EPHB4: variants seen among roughly 807,000 people sequenced by gnomAD.
EPHB4 encodes the protein EPH receptor B4, also known as ephrin type-B receptor 4.
Under a neutral mutation model 110.6 loss-of-function variants are expected in EPHB4, and 50 were observed. The observed-to-expected ratio is 0.45, with a 90% confidence interval of 0.36 to 0.57. The LOEUF (loss-of-function observed/expected upper bound fraction) is 0.57. EPHB4 is among the 20% of genes least tolerant of loss of function. EPHB4 has a pLI of 0.00. For missense variants in EPHB4, 1,128 were observed against 1,382.1 expected (o/e 0.82, Z 2.91); for synonymous variants, 592 against 578.4 (o/e 1.02, Z -0.34).
In EPHB4 at chr7:100,822,341, G is replaced by A. The variant is rs374800831; in HGVS notation, c.738C>T (p.Ala246=). 79 of 1,567,582 alleles carry A rather than the reference G, an allele frequency of 5.0e-5. No individual in the cohort carries two copies. Among genetic ancestry groups the A allele is most frequent in the South Asian group, 7.0e-5 (6 of 86,128 alleles). Reference sequence around the variant, plus strand: ...AGCTGCAGCCCGTGACCGGCTGTTCGGCCCACTGGCCATCCTCACGGCAGT... The same window carrying A: ...AGCTGCAGCCCGTGACCGGCTGTTCAGCCCACTGGCCATCCTCACGGCAGT... The part of the protein sequence containing the change: ...SLYCREDGQW[A]EQPVTGCSCA... Residue 246 remains alanine (A), a synonymous_variant, in exon 4 of 17, where the codon GCC becomes GCT. Transcript: ENST00000358173. The surrounding 1 kb of genome is among the most constrained non-coding windows in gnomAD (Gnocchi z 4.7).
intron 9 of EPHB4, 52 bp downstream of exon 9, chr7:100,813,867 G>A: frequency 6.2e-7 from 1 of 1,609,122 alleles, no homozygotes; most frequent in Non-Finnish European, 8.5e-7. Flanking sequence ...CACCCAGGCA[G>A]GTGGCCATCA....
chr7:100,812,529 C>T (rs1812959252), intron 12 of EPHB4, among the ~76,000 whole-genome samples: 2 of 152,076 alleles, frequency 1.3e-5, no homozygotes, highest in Non-Finnish European at 2.9e-5. Flanking sequence ...GTGGAGACAG[C>T]AATGAGCCGA....
intron 4 of EPHB4, chr7:100,820,523 A>C (rs1217793165): frequency 2.5e-6 from 1 of 407,876 alleles, no homozygotes; most frequent in East Asian, 4.0e-5. Context: ...TAAGGTGGGA[A>C]AATGGACAAA....
At chr7:100,813,328 T>G in intron 10 of EPHB4, 120 bp from the exon 11 acceptor site, 1 of 806,102 alleles carries the variant, frequency 1.2e-6, no homozygotes. Flanking sequence ...TTTTTTTTTT[T>G]TCCTGAGATG....
At chr7:100,815,359 C>T (rs1399905526) in intron 8 of EPHB4, among the ~76,000 whole-genome samples, 2 of 151,826 alleles carry the variant, frequency 1.3e-5, no homozygotes, top group Non-Finnish European at 2.9e-5. Context: ...CCAAAAAAAC[C>T]CACGGATATA....
chr7:100,823,826 A>G lies in EPHB4; in HGVS notation c.229T>C (p.Trp77Arg). The G allele has an allele frequency of 6.2e-7, 1 of 1,613,286 alleles. No individual in the cohort carries two copies. The highest frequency in any genetic ancestry group is 8.5e-7 in the Non-Finnish European group (1 of 1,179,898). The change falls in exon 3 of 17, where the codon TGG (tryptophan) becomes CGG (arginine). Residue 77 changes from tryptophan (W) to arginine (R), a missense_variant. By Grantham distance (101) the Trp-to-Arg change is moderately radical. This residue lies in a region of EPHB4 where 728 missense variants were observed against 828.6 expected (regional missense o/e 0.88). Transcript: ENST00000358173. ...PGQAHWLRTGWVPRRGAVHVY... is the reference protein window; with the variant it reads ...PGQAHWLRTGRVPRRGAVHVY... ...TGGACGGCGCCCCGCCGTGGGACCC[A>G]ACCTGTGCGAAGCCAGTGGGCCTGG...
At chr7:100,813,754 TCA>T in intron 9 of EPHB4, 38 bp from the exon 10 acceptor site, 1 of 1,613,444 alleles carries the variant, frequency 6.2e-7, no homozygotes, top group East Asian at 2.2e-5. Flanking sequence ...GTAAACTGAG[TCA>T]CACATCTTTA....
At chr7:100,823,171 A>C (rs937317336) in intron 3 of EPHB4, among the ~76,000 whole-genome samples, 1 of 152,228 alleles carries the variant, frequency 6.6e-6, no homozygotes, top group Non-Finnish European at 1.5e-5. Flanking sequence ...GTGCCGAGAC[A>C]GGCAGGTGGA....
intron 4 of EPHB4, 87 bp from the exon 5 acceptor site, chr7:100,820,383 C>G (rs1813195600): frequency 2.0e-6 from 3 of 1,475,020 alleles, no homozygotes; most frequent in Admixed American, 2.1e-5. Flanking sequence ...CGAATCCCAG[C>G]ACTTTGGGAG....
At chr7:100,826,260 G>C (rs914275211) in intron 1 of EPHB4, among the ~76,000 whole-genome samples, 2 of 151,724 alleles carry the variant, frequency 1.3e-5, no homozygotes, top group African/African-American at 4.8e-5. Context: ...GGGCGATGTG[G>C]GGGCTGTGTA....
At chr7:100,825,652 T>A (rs1177155127) in intron 1 of EPHB4, 3 of 152,196 alleles carry the variant, frequency 2.0e-5, no homozygotes, top group African/African-American at 7.2e-5. Flanking sequence ...TTGGATAAAC[T>A]ACTTAACCTT....
intron 12 of EPHB4, among the ~76,000 whole-genome samples, chr7:100,811,540 G>A (rs1231425865): frequency 1.3e-5 from 2 of 151,946 alleles, no homozygotes; most frequent in Admixed American, 6.6e-5. Context: ...GAGGATGACC[G>A]GTGCGTAGAA....
intron 14 of EPHB4, 145 bp downstream of exon 14, chr7:100,806,275 T>C (rs1372550421): frequency 9.4e-7 from 1 of 1,066,430 alleles, no homozygotes; most frequent in African/African-American, 1.6e-5. Context: ...TCTCAACTCT[T>C]TGATACAAAG....
Position 100,810,484 on chromosome 7 carries a change from G to GT in EPHB4, c.2118+2262dup, listed in dbSNP as rs1812903185. ...TCAGCAGGCGTGGTGGCTCACGCCT[G>GT]TAATCCCAGCACTTTGAGAGGTTAA... is the stretch of plus-strand genomic sequence containing the variant. On this transcript the variant is annotated intron_variant, in intron 12 of 16. Transcript: ENST00000358173. Among the ~76,000 whole-genome samples, 4 of 152,248 alleles carry GT rather than the reference G, an allele frequency of 2.6e-5. No individual in the cohort carries two copies. In the South Asian group the frequency reaches 8.3e-4, roughly 32 times the overall value.
chr7:100,809,138 G>A (rs1177049950), intron 12 of EPHB4, among the ~76,000 whole-genome samples: 2 of 152,054 alleles, frequency 1.3e-5, no homozygotes, highest in East Asian at 1.9e-4. Flanking sequence ...ATGGAGTCTC[G>A]CTCTACTGCC....
At position 100,817,237 on chromosome 7, in the gene EPHB4, AGCCGGC is replaced by A; in HGVS notation, c.1537_1542del (p.Ala513_Gly514del). 6.2e-7 allele frequency: 1 copy of A among 1,601,588 alleles called. No homozygotes were observed. The highest frequency in any genetic ancestry group is 1.7e-5 in the Admixed American group (1 of 58,700). On this transcript the variant is annotated inframe_deletion, in exon 8 of 17. Transcript: ENST00000358173. ...TGATGTTCCTGGCCGAAGGGCCCGT[AGCCGGC>A]CTCAGAGCGCGCCCGTACCTGCACC...
chr7:100,810,487 A>C (rs1363833519), intron 12 of EPHB4, among the ~76,000 whole-genome samples: 1 of 152,162 alleles, frequency 6.6e-6, no homozygotes, highest in Non-Finnish European at 1.5e-5. Context: ...CACGCCTGTA[A>C]TCCCAGCACT....
intron 16 of EPHB4, 42 bp downstream of exon 16, chr7:100,805,124 C>T (rs765513316): frequency 6.9e-6 from 11 of 1,593,236 alleles, no homozygotes; most frequent in East Asian, 2.3e-5. Context: ...ACTCCAGCTG[C>T]CCCGCTCTCC....
chr7:100,805,496 C>G lies in EPHB4; in HGVS notation c.2678+5G>C. On this transcript the variant is annotated splice_donor_5th_base_variant and intron_variant, in intron 15 of 16. Coordinates refer to ENST00000358173, the MANE Select transcript of EPHB4 (RefSeq NM_004444.5). Reference sequence around the variant, plus strand: ...GAAGGAGGGCCCATTCTCTGCAGTCCTCACCCGCCATTCTCCCGGGCCACG... The same window carrying G: ...GAAGGAGGGCCCATTCTCTGCAGTCGTCACCCGCCATTCTCCCGGGCCACG... 6.6e-7 allele frequency: 1 copy of G among 1,523,740 alleles called. No homozygotes were observed. The highest frequency in any genetic ancestry group is 8.8e-7 in the Non-Finnish European group (1 of 1,135,412). The allele number at this position is 1,523,740 out of a possible 1,614,324, so 94.4% of individuals were successfully genotyped here.
Sources: gnomAD v4.1 joint callset for allele counts (sites outside exome capture counted in the v4.1 genomes callset) on GRCh38, gnomAD v4.1.1 for gene constraint, gnomAD v4.1.1 regional missense constraint, Gnocchi (gnomAD v3.1) non-coding constraint, MANE v1.5 for transcripts, NCBI Gene and HGNC (gene_info 2026-07-23, HGNC 2026-07-21) for gene names.